The following SLC25A28 variants were observed in gnomAD, a reference collection of about 807,000 sequenced individuals.
The protein encoded by SLC25A28 is mitoferrin-2.
In SLC25A28, 10 loss-of-function variants were observed where a neutral mutation model predicts 31.9. That is an observed-to-expected ratio of 0.31 (90% CI 0.19 to 0.53). SLC25A28 has a LOEUF of 0.53. SLC25A28 is among the 20% of genes least tolerant of loss of function. The pLI, the probability that SLC25A28 is intolerant of heterozygous loss-of-function variation, is 0.95. For missense variants in SLC25A28, 256 were observed against 490.3 expected (o/e 0.52, Z 4.51); for synonymous variants, 208 against 203.6 (o/e 1.02, Z -0.19).
intron 1 of SLC25A28, chr10:99,618,412 C>T: frequency 1.0e-6 from 1 of 985,422 alleles, no homozygotes; most frequent in Non-Finnish European, 1.2e-6. Flanking sequence ...AAAACAGCAT[C>T]CTAAACCCTG....
At chr10:99,620,943 G>A (rs571679219), upstream of SLC25A28, 1,866 of 958,150 alleles carry the variant, frequency 1.9e-3, 3 homozygotes, top group Non-Finnish European at 2.2e-3. Flanking sequence ...GCGCCGTTAC[G>A]ACCCGCGCTC....
At chr10:99,641,959 G>GGTTACT in the SLC25A28 span, among the ~76,000 whole-genome samples, 2 of 152,074 alleles carry the variant, frequency 1.3e-5, no homozygotes, top group African/African-American at 4.8e-5. Context: ...ATGCTGTTTT[G>GGTTACT]GTTACTGTAG....
chr10:99,635,448 G>A, the SLC25A28 span, among the ~76,000 whole-genome samples: 277 of 152,248 alleles, frequency 1.8e-3, no homozygotes, highest in Middle Eastern at 3.4e-3. Context: ...TTAGGAGGCC[G>A]AGGCGGGTGG....
At chr10:99,622,503 T>A (rs2034815630), upstream of SLC25A28, among the ~76,000 whole-genome samples, 3 of 152,158 alleles carry the variant, frequency 2.0e-5, no homozygotes, top group Non-Finnish European at 4.4e-5. Flanking sequence ...CACCTCTATG[T>A]CCTTTCTCTC....
the SLC25A28 span, among the ~76,000 whole-genome samples, chr10:99,631,419 C>T: frequency 0.015 from 2,233 of 151,966 alleles, 62 homozygotes; most frequent in African/African-American, 0.05. Context: ...CTCCTGACTT[C>T]GTCTATTTTA....
chr10:99,657,012 C>G, the SLC25A28 span, among the ~76,000 whole-genome samples: 3 of 152,022 alleles, frequency 2.0e-5, no homozygotes, highest in African/African-American at 7.2e-5. Flanking sequence ...ACCAGACTGA[C>G]AAAGAAAGTT....
upstream of SLC25A28, among the ~76,000 whole-genome samples, chr10:99,624,231 TC>T (rs2034842394): frequency 3.3e-5 from 4 of 121,604 alleles, no homozygotes; most frequent in Non-Finnish European, 3.6e-5. Flanking sequence ...CTTTCTTCTT[TC>T]TTTTTTCTCT....
the SLC25A28 span, among the ~76,000 whole-genome samples, chr10:99,640,054 TACA>T: frequency 1.3e-5 from 2 of 152,218 alleles, no homozygotes; most frequent in East Asian, 3.8e-4. Context: ...GCATGTGTTA[TACA>T]ACAATGGTAA....
Position 99,613,480 on chromosome 10 carries a change from A to C in SLC25A28, c.520+216T>G. ...AAGTCAAGCTGGTAGGTAAGGGAGGATACTGTAACCCTTTGTTGAGGTGCC... is the reference window on the plus strand; with the variant it reads ...AAGTCAAGCTGGTAGGTAAGGGAGGCTACTGTAACCCTTTGTTGAGGTGCC... On this transcript the variant is annotated intron_variant, in intron 2 of 3. Transcript: ENST00000370495. This position sits in a 1 kb window ranked among gnomAD's most constrained non-coding sequence, Gnocchi z 4.9. 1 of 1,422,010 alleles carries C rather than the reference A, an allele frequency of 7.0e-7. No homozygotes were observed. The highest frequency in any genetic ancestry group is 9.2e-7 in the Non-Finnish European group (1 of 1,092,100). The allele number at this position is 1,422,010 out of a possible 1,614,324, so 88.1% of individuals were successfully genotyped here.
the SLC25A28 span, chr10:99,653,710 G>A: frequency 6.6e-6 from 1 of 152,184 alleles, no homozygotes; most frequent in South Asian, 2.1e-4. Flanking sequence ...AGTCTCTAGA[G>A]GGAATGCTCA....
intron 1 of SLC25A28, chr10:99,617,121 T>C (rs2034675662): frequency 2.0e-6 from 2 of 985,316 alleles, no homozygotes; most frequent in African/African-American, 1.7e-5. Context: ...CAACAGCAGC[T>C]TGATGATAGG....
At chr10:99,624,021 G>T (rs2133371443), upstream of SLC25A28, among the ~76,000 whole-genome samples, 1 of 152,102 alleles carries the variant, frequency 6.6e-6, no homozygotes, top group Admixed American at 6.5e-5. Context: ...TGGGGCCTAA[G>T]ATTCTTCCTT....
At chr10:99,654,088 G>A in the SLC25A28 span, among the ~76,000 whole-genome samples, 1 of 152,172 alleles carries the variant, frequency 6.6e-6, no homozygotes, top group Non-Finnish European at 1.5e-5. Flanking sequence ...AAAAAGCTCA[G>A]AGGTGAGAAA....
chr10:99,635,972 G>C, the SLC25A28 span, among the ~76,000 whole-genome samples: 98 of 152,200 alleles, frequency 6.4e-4, 1 homozygote, highest in East Asian at 0.017. Context: ...AATTTATAAA[G>C]CGATTACTAA....
the SLC25A28 span, among the ~76,000 whole-genome samples, chr10:99,645,723 G>A: frequency 0.033 from 5,090 of 152,230 alleles, 140 homozygotes; most frequent in Non-Finnish European, 0.051. Flanking sequence ...TGATGGTGAC[G>A]TACAGATGGG....
Position 99,620,118 on chromosome 10 carries a change from G to A in SLC25A28, c.218C>T (p.Thr73Ile). The A allele has an allele frequency of 1.9e-6, 3 of 1,584,184 alleles. No individual in the cohort carries two copies. Among genetic ancestry groups the A allele is most frequent in the Non-Finnish European group, 2.6e-6 (3 of 1,172,914 alleles). ...CACGGCGCCTGCCACCATGTGCGTG[G>A]TGACAGTGGCTCCAGCCGGCAGCGC... ...YEALPAGATVTTHMVAGAVAG... is the reference protein window; with the variant it reads ...YEALPAGATVITHMVAGAVAG... The change falls in exon 1 of 4, where the codon ACC becomes ATC. Residue 73 changes from threonine to isoleucine, a missense_variant. This residue lies in a region of SLC25A28 where 41 missense variants were observed against 41.7 expected (regional missense o/e 0.98). Coordinates refer to ENST00000370495, the MANE Select transcript of SLC25A28 (RefSeq NM_031212.4).
the SLC25A28 span, among the ~76,000 whole-genome samples, chr10:99,648,177 T>TA: frequency 1.3e-5 from 2 of 151,144 alleles, no homozygotes; most frequent in Admixed American, 1.3e-4. Context: ...TTTTTTTTTT[T>TA]GTAGTAGAGA....
In SLC25A28 at chr10:99,620,300, C is replaced by A. The variant is rs1449632108; in HGVS notation, c.36G>T (p.Ala12=). 1.1e-5 allele frequency: 13 copies of A among 1,172,964 alleles called. No individual in the cohort carries two copies. Among genetic ancestry groups the A allele is most frequent in the Admixed American group, 4.5e-5 (1 of 22,162 alleles). 72.7% of individuals were successfully genotyped at this position (1,172,964 alleles called of 1,614,324 possible). A position where few individuals can be genotyped will look rare whatever the true frequency, so the allele number is the denominator to read the frequency against. Residue 12 remains alanine, a synonymous_variant, in exon 1 of 4, where the codon GCG becomes GCT. Coordinates refer to ENST00000370495, the MANE Select transcript of SLC25A28 (RefSeq NM_031212.4). ...GCCCGGGCCCTGCCGCCGGCCCCCC[C>A]GCCACACCGCCAGCACCCCGCCCCT... ...ELEGRGAGGV[A]GGPAAGPGRS...
chr10:99,618,596 A>G (rs1255396720), intron 1 of SLC25A28: 2 of 985,206 alleles, frequency 2.0e-6, no homozygotes, highest in Non-Finnish European at 2.4e-6. Context: ...CTTCTCTCTC[A>G]TGGATTTTAC....
Sources: gnomAD v4.1 joint callset for allele counts (sites outside exome capture counted in the v4.1 genomes callset) on GRCh38, gnomAD v4.1.1 for gene constraint, gnomAD v4.1.1 regional missense constraint, Gnocchi (gnomAD v3.1) non-coding constraint, MANE v1.5 for transcripts, NCBI Gene and HGNC (gene_info 2026-07-23, HGNC 2026-07-21) for gene names.